The following CHD2 variants were observed in gnomAD, a reference collection of about 807,000 sequenced individuals.
CHD2 encodes the protein ATP-dependent chromatin remodeler CHD2.
In CHD2, 28 loss-of-function variants were observed where a neutral mutation model predicts 243.9. The observed-to-expected ratio is 0.11, with a 90% CI of 0.09 to 0.16. CHD2 has a LOEUF of 0.16. Ranked by LOEUF, CHD2 falls within the 10% of genes least tolerant of loss-of-function variation. The probability of loss-of-function intolerance (pLI) is 1.00; values close to 1 mark genes in which losing one functional copy is unlikely to be tolerated. For missense variants in CHD2, 1,386 were observed against 2,209.8 expected, an observed-to-expected ratio of 0.63 and a Z score of 7.47; for synonymous variants, 775 against 779.0, an observed-to-expected ratio of 0.99 and a Z score of 0.09.
intron 35 of CHD2, 169 bp downstream of exon 35, chr15:93,009,492 C>T: frequency 1.6e-6 from 1 of 608,396 alleles, no homozygotes; most frequent in Non-Finnish European, 2.8e-6. Context: ...TGAAATAGGC[C>T]ATTCCACTGA....
At chr15:93,002,685 T>C (rs2054272780) in intron 33 of CHD2, among the ~76,000 whole-genome samples, 1 of 152,200 alleles carries the variant, frequency 6.6e-6, no homozygotes, top group Admixed American at 6.5e-5. Context: ...ACTTGAAGAG[T>C]TTGAGTCAAA....
intron 5 of CHD2, among the ~76,000 whole-genome samples, chr15:92,935,184 C>G (rs2053243795): frequency 6.6e-6 from 1 of 152,078 alleles, no homozygotes; most frequent in South Asian, 2.1e-4. Flanking sequence ...TACGGGCGCC[C>G]GCCACCACGC....
At chr15:92,965,494 G>C (rs1482164583) in intron 16 of CHD2, 3 of 147,312 alleles carry the variant, frequency 2.0e-5, no homozygotes, top group African/African-American at 7.6e-5. Context: ...AGCCCAGGAG[G>C]CAGAGCTTGC....
At position 92,925,826 on chromosome 15, in the gene CHD2, A is replaced by G. The variant is rs139861333; in HGVS notation, c.294+1274A>G. ...TGTGGACTTTGGGTTATGTGATTACATTGGATTCTAGTTGTAAAATGCCTA... is the reference window on the plus strand; with the variant it reads ...TGTGGACTTTGGGTTATGTGATTACGTTGGATTCTAGTTGTAAAATGCCTA... On this transcript the variant is annotated intron_variant, in intron 3 of 38. Coordinates refer to ENST00000394196, the MANE Select transcript of CHD2 (RefSeq NM_001271.4). Among the ~76,000 whole-genome samples, 721 of 152,288 alleles carry G rather than the reference A, an allele frequency of 4.7e-3. 10 individuals are homozygous for G. The highest frequency in any genetic ancestry group is 0.016 in the African/African-American group (671 of 41,548).
At chr15:92,987,855 CTT>C (rs1307591204) in intron 26 of CHD2, among the ~76,000 whole-genome samples, 1 of 149,898 alleles carries the variant, frequency 6.7e-6, no homozygotes, top group East Asian at 1.9e-4. Context: ...AAAAAAAAAA[CTT>C]TTTTTTTCAC....
intron 14 of CHD2, 134 bp from the exon 15 acceptor site, chr15:92,955,289 A>T: frequency 1.9e-6 from 1 of 536,560 alleles, no homozygotes; most frequent in Non-Finnish European, 3.1e-6. Context: ...TCATTTTAGA[A>T]TGTGAGATAT....
At chr15:92,971,185 A>G (rs546734770) in intron 17 of CHD2, among the ~76,000 whole-genome samples, 59 of 152,328 alleles carry the variant, frequency 3.9e-4, no homozygotes, top group African/African-American at 1.3e-3. Context: ...TCTCTTATCA[A>G]AAATGCTTGG....
Position 93,024,652 on chromosome 15 carries a change from T to A in CHD2, c.5434T>A (p.Ser1812Thr), listed in dbSNP as rs2054571568. 6.2e-7 allele frequency: 1 copy of A among 1,613,540 alleles called. No homozygotes were observed. Among genetic ancestry groups the A allele is most frequent in the Non-Finnish European group, 8.5e-7 (1 of 1,179,836 alleles). Reference sequence around the variant, plus strand: ...GGATCATAGGTCTCCTTTGGAGAGATCACTAGAACAGAAAAACAACCCAGA... The same window carrying A: ...GGATCATAGGTCTCCTTTGGAGAGAACACTAGAACAGAAAAACAACCCAGA... ...PLDHRSPLER[S>T]LEQKNNPDYN... Residue 1812 changes from serine to threonine, a missense_variant, in exon 39 of 39, where the codon TCA becomes ACA. By Grantham distance (58) the Ser-to-Thr change is moderately conservative. Around this residue, in one of 19 missense-constraint regions of CHD2, gnomAD observed 347 missense variants for 341.6 expected, o/e 1.02. Transcript: ENST00000394196.
chr15:92,902,030 A>G (rs970267764), intron 2 of CHD2: 1 of 392,156 alleles, frequency 2.6e-6, no homozygotes, highest in Non-Finnish European at 4.5e-6. Flanking sequence ...TACTGTGATT[A>G]ATATTTGCAG....
intron 16 of CHD2, among the ~76,000 whole-genome samples, chr15:92,958,782 G>A (rs11857466): frequency 0.37 from 55,503 of 151,978 alleles, 11,260 homozygotes; most frequent in East Asian, 0.8. Flanking sequence ...TGTAATATTC[G>A]ATAAATTACA....
At chr15:92,907,315 T>A (rs1936432081) in intron 2 of CHD2, among the ~76,000 whole-genome samples, 1 of 152,238 alleles carries the variant, frequency 6.6e-6, no homozygotes, top group East Asian at 1.9e-4. Context: ...TCTTCTTGTT[T>A]GGTATTTCAA....
chr15:92,946,359 T>G, intron 12 of CHD2, 143 bp downstream of exon 12: 2 of 567,524 alleles, frequency 3.5e-6, no homozygotes, highest in Non-Finnish European at 5.7e-6. Context: ...AATATGACAT[T>G]AAAGCAAAAG....
intron 3 of CHD2, among the ~76,000 whole-genome samples, chr15:92,926,776 T>A (rs1369045532): frequency 6.6e-6 from 1 of 152,220 alleles, no homozygotes; most frequent in Admixed American, 6.5e-5. Context: ...GGATGTTACA[T>A]GACCTGAGGA....
intron 37 of CHD2, among the ~76,000 whole-genome samples, chr15:93,017,372 G>T (rs1349985939): frequency 6.6e-6 from 1 of 151,932 alleles, no homozygotes; most frequent in Admixed American, 6.6e-5. Context: ...ACCCAGGCTG[G>T]AGTGTAGCGG....
At chr15:92,944,247 G>GT (rs1022522481) in intron 9 of CHD2, 168 bp from the exon 10 acceptor site, 4 of 462,318 alleles carry the variant, frequency 8.7e-6, no homozygotes, top group Non-Finnish European at 1.6e-5. Flanking sequence ...TTTTTTGTTT[G>GT]TTTGTTTTGT....
intron 2 of CHD2, among the ~76,000 whole-genome samples, chr15:92,911,893 T>C (rs2052743331): frequency 1.3e-5 from 2 of 152,238 alleles, no homozygotes; most frequent in African/African-American, 2.4e-5. Context: ...CACAGTGCAC[T>C]GTGGGTGTGA....
intron 4 of CHD2, among the ~76,000 whole-genome samples, chr15:92,927,872 A>G (rs1321997261): frequency 1.3e-5 from 2 of 152,196 alleles, no homozygotes; most frequent in Non-Finnish European, 2.9e-5. Context: ...TGAGAGATTG[A>G]TCAGTGATTT....
At chr15:92,996,792 A>G (rs1433900250) in intron 28 of CHD2, among the ~76,000 whole-genome samples, 165 bp from the exon 29 acceptor site, 3 of 152,232 alleles carry the variant, frequency 2.0e-5, no homozygotes, top group Non-Finnish European at 2.9e-5. Context: ...GTTATTTTAC[A>G]GACATTAGTT....
chr15:92,958,980 C>G (rs1371797795), intron 16 of CHD2, among the ~76,000 whole-genome samples: 2 of 152,150 alleles, frequency 1.3e-5, no homozygotes, highest in African/African-American at 4.8e-5. Context: ...GGACATAACC[C>G]TGTTGTAAGT....
Sources: gnomAD v4.1 joint callset for allele counts (sites outside exome capture counted in the v4.1 genomes callset) on GRCh38, gnomAD v4.1.1 for gene constraint, gnomAD v4.1.1 regional missense constraint, MANE v1.5 for transcripts, NCBI Gene and HGNC (gene_info 2026-07-23, HGNC 2026-07-21) for gene names.